Variants in MINDY4 observed in about 807,000 individuals in gnomAD.
MINDY4 encodes probable ubiquitin carboxyl-terminal hydrolase MINDY-4.
In MINDY4, 68 loss-of-function variants were observed where a neutral mutation model predicts 87.0. The ratio of observed to expected loss-of-function variants is 0.78; its 90% CI spans 0.64 to 0.96. The LOEUF (loss-of-function observed/expected upper bound fraction) is 0.96, where lower values mean the gene tolerates loss of function less well. Among genes scored for constraint, MINDY4 ranks in the 40% least tolerant of loss-of-function variants. The pLI is 0.00. For missense variants in MINDY4, 919 were observed against 928.2 expected, an observed-to-expected ratio of 0.99 and a Z score of 0.13; for synonymous variants, 379 against 363.2, an observed-to-expected ratio of 1.04 and a Z score of -0.50.
intron 15 of MINDY4, among the ~76,000 whole-genome samples, chr7:30,879,428 C>T (rs1790390436): frequency 6.6e-6 from 1 of 152,214 alleles, no homozygotes; most frequent in Admixed American, 6.5e-5. Flanking sequence ...CTGTCTGAGC[C>T]ATCCAGTCCG....
intron 15 of MINDY4, among the ~76,000 whole-genome samples, chr7:30,877,580 A>G (rs953555213): frequency 2.9e-4 from 44 of 151,804 alleles, no homozygotes; most frequent in African/African-American, 9.7e-4. Context: ...CTCCTCCTCC[A>G]TGAGCTCACC....
intron 5 of MINDY4, among the ~76,000 whole-genome samples, chr7:30,805,102 C>G (rs958857642): frequency 7.2e-5 from 11 of 152,186 alleles, no homozygotes; most frequent in African/African-American, 2.4e-4. Context: ...AGATGTGCCG[C>G]AAGGTGAGTC....
At chr7:30,834,044 G>A (rs533746546) in intron 6 of MINDY4, among the ~76,000 whole-genome samples, 69 of 152,350 alleles carry the variant, frequency 4.5e-4, no homozygotes, top group Non-Finnish European at 8.8e-4. Flanking sequence ...CATGGTGCAA[G>A]CTGTTGGTGA....
chr7:30,883,015 C>T lies in MINDY4; in HGVS notation c.2225+22C>T, dbSNP rs1406612475. On this transcript the variant is annotated intron_variant, in intron 17 of 17. Coordinates refer to ENST00000265299, the MANE Select transcript of MINDY4 (RefSeq NM_032222.3). ...CCAAGTGAGTCAAGCCCCTCTCTGGCTTTGAGCCTCACCCTGAATAGCTTT... is the reference window on the plus strand; with the variant it reads ...CCAAGTGAGTCAAGCCCCTCTCTGGTTTTGAGCCTCACCCTGAATAGCTTT... The T allele has an allele frequency of 1.4e-5, 22 of 1,611,054 alleles. No homozygotes were observed. The Admixed American group carries it at 3.5e-4, about 26-fold the overall frequency.
At position 30,796,235 on chromosome 7, in the gene MINDY4, CT is replaced by C. The variant is rs1405675564; in HGVS notation, c.1073+4662del. 2.6e-5 allele frequency among the ~76,000 whole-genome samples: 4 copies of C among 152,210 alleles called. No homozygotes were observed. The South Asian group carries it at 8.3e-4, about 32-fold the overall frequency. The stretch of plus-strand genomic sequence containing the variant: ...GTTTTTCACATTTCCCCCTGTCTCA[CT>C]GTCACATCTGTCTCTTTTTTATCTG... On this transcript the variant is annotated intron_variant, in intron 5 of 17. Coordinates refer to ENST00000265299, the MANE Select transcript of MINDY4 (RefSeq NM_032222.3).
At chr7:30,877,822 CTTTTTTTT>C (rs60164229) in intron 15 of MINDY4, among the ~76,000 whole-genome samples, 603 of 47,312 alleles carry the variant, frequency 0.013, 4 homozygotes, top group Middle Eastern at 0.033. Flanking sequence ...CAGGGACATG[CTTTTTTTT>C]TTTTTTTTTT....
At chr7:30,812,693 A>G (rs1290803194) in intron 5 of MINDY4, among the ~76,000 whole-genome samples, 4 of 152,236 alleles carry the variant, frequency 2.6e-5, no homozygotes, top group East Asian at 1.9e-4. Context: ...TTCCAGGTGC[A>G]TAGAAAACAG....
At chr7:30,873,151 C>T (rs142102103) in intron 14 of MINDY4, among the ~76,000 whole-genome samples, 13 of 152,304 alleles carry the variant, frequency 8.5e-5, no homozygotes, top group Non-Finnish European at 1.6e-4. Context: ...GTCCAGGGCA[C>T]CCACAGAGGG....
At chr7:30,835,230 C>G (rs558317292) in intron 6 of MINDY4, among the ~76,000 whole-genome samples, 1 of 152,302 alleles carries the variant, frequency 6.6e-6, no homozygotes, top group East Asian at 1.9e-4. Context: ...ACAATCATGG[C>G]AGAAGGCAAG....
Position 30,882,991 on chromosome 7 carries a change from C to T in MINDY4, c.2223C>T (p.Thr741=). 6.2e-7 allele frequency: 1 copy of T among 1,613,834 alleles called. No individual in the cohort carries two copies. Among genetic ancestry groups the T allele is most frequent in the African/African-American group, 1.3e-5 (1 of 75,020 alleles). The change falls in exon 17 of 18, where the codon ACC becomes ACT. Residue 741 remains threonine (T), a splice_region_variant and synonymous_variant. Coordinates refer to ENST00000265299, the MANE Select transcript of MINDY4 (RefSeq NM_032222.3). ...CACCCCTCGAGCTCTGCATCAGAAC[C>T]AAGTGAGTCAAGCCCCTCTCTGGCT... ...LVPPLELCIR[T]KWKGASVNWN... is the part of the protein sequence containing the mutation.
chr7:30,831,115 G>A (rs1788687712), intron 6 of MINDY4, among the ~76,000 whole-genome samples: 1 of 152,164 alleles, frequency 6.6e-6, no homozygotes, highest in Non-Finnish European at 1.5e-5. Context: ...ATACTGGTGA[G>A]GGGCTCTTGG....
intron 5 of MINDY4, among the ~76,000 whole-genome samples, chr7:30,822,517 A>T (rs1475183176): frequency 6.6e-6 from 1 of 152,182 alleles, no homozygotes; most frequent in Non-Finnish European, 1.5e-5. Context: ...CATGTAGCCC[A>T]TAATCAAATC....
At chr7:30,799,251 C>T (rs1199582732) in intron 5 of MINDY4, among the ~76,000 whole-genome samples, 1 of 152,190 alleles carries the variant, frequency 6.6e-6, no homozygotes, top group African/African-American at 2.4e-5. Flanking sequence ...TTTGTAATCT[C>T]TGAATTACTT....
chr7:30,815,757 G>T lies in MINDY4; in HGVS notation c.1074-12922G>T, dbSNP rs1400943634. 2.0e-5 allele frequency among the ~76,000 whole-genome samples: 3 copies of T among 152,112 alleles called. 1 individual carries two copies. Among genetic ancestry groups the T allele is most frequent in the Admixed American group, 1.3e-4 (2 of 15,284 alleles). On this transcript the variant is annotated intron_variant, in intron 5 of 17. Transcript: ENST00000265299. ...GCCTGTTGAGCAACTCCTGCCTCTT[G>T]TACCAGTCACCTTTTGGAGCTGACT...
chr7:30,792,667 C>T (rs965166801), intron 5 of MINDY4, among the ~76,000 whole-genome samples: 1 of 152,094 alleles, frequency 6.6e-6, no homozygotes, highest in African/African-American at 2.4e-5. Flanking sequence ...ATATTATCCT[C>T]TTATTATCAC....
chr7:30,797,657 C>T (rs1787529196), intron 5 of MINDY4, among the ~76,000 whole-genome samples: 2 of 152,150 alleles, frequency 1.3e-5, no homozygotes, highest in African/African-American at 4.8e-5. Context: ...TTTGGATACT[C>T]CCGCATCTAG....
chr7:30,771,628 G>A (rs1366870475), intron 1 of MINDY4, 72 bp downstream of exon 1: 12 of 1,477,472 alleles, frequency 8.1e-6, no homozygotes, highest in African/African-American at 1.4e-5. Flanking sequence ...CTCCCCTGAA[G>A]GCTTTGCAGC....
intron 13 of MINDY4, among the ~76,000 whole-genome samples, chr7:30,862,429 C>T (rs1789793739): frequency 6.6e-6 from 1 of 152,242 alleles, no homozygotes; most frequent in South Asian, 2.1e-4. Context: ...ACAGCCTGCT[C>T]CTCTCACGTG....
At chr7:30,806,618 A>C (rs543398382) in intron 5 of MINDY4, among the ~76,000 whole-genome samples, 1 of 152,282 alleles carries the variant, frequency 6.6e-6, no homozygotes, top group Non-Finnish European at 1.5e-5. Flanking sequence ...TGTGAGAGCC[A>C]TGGCCAGGGC....
Sources: allele counts gnomAD v4.1 joint callset (sites outside exome capture counted in the v4.1 genomes callset), GRCh38; gene constraint gnomAD v4.1.1; transcripts MANE v1.5; gene names NCBI Gene and HGNC (gene_info 2026-07-23, HGNC 2026-07-21).